The following FAM114A2 variants were observed in gnomAD, a reference collection of about 807,000 sequenced individuals.
The protein encoded by FAM114A2 is family with sequence similarity 114 member A2.
Under a neutral mutation model 58.4 loss-of-function variants are expected in FAM114A2, and 53 were observed. That is an observed-to-expected ratio of 0.91 (90% confidence interval 0.73 to 1.14). FAM114A2 has a LOEUF of 1.14. FAM114A2 is among the 50% of genes most tolerant of loss of function. The pLI is 0.00. For synonymous variants in FAM114A2, 228 were observed against 211.4 expected, an observed-to-expected ratio of 1.08 and a Z score of -0.68; for missense variants, 601 against 581.1, an observed-to-expected ratio of 1.03 and a Z score of -0.35.
chr5:154,028,763 T>C (rs1771973996), intron 5 of FAM114A2, among the ~76,000 whole-genome samples: 1 of 152,220 alleles, frequency 6.6e-6, no homozygotes, highest in South Asian at 2.1e-4. Context: ...TTAGATACTA[T>C]ATATGATTCC....
intron 8 of FAM114A2, among the ~76,000 whole-genome samples, chr5:154,025,153 G>C (rs1561568411): frequency 6.6e-6 from 1 of 152,256 alleles, no homozygotes; most frequent in East Asian, 1.9e-4. Context: ...AATAATGTAA[G>C]TGCTTTTCCT....
Position 153,991,973 on chromosome 5 carries a change from A to G in FAM114A2, c.*1003T>C, listed in dbSNP as rs1239688800. 2 of 152,336 alleles carry G rather than the reference A, an allele frequency of 1.3e-5. No homozygotes were observed. Among genetic ancestry groups the G allele is most frequent in the East Asian group, 3.9e-4 (2 of 5,190 alleles). The allele number at this position is 152,336 out of a possible 1,614,324, so 9.4% of individuals were successfully genotyped here. ...GCTTAAGATCTGGAGGATAAAAGTT[A>G]TATCAAAAACATGCTAAAGAATACA... On this transcript the variant is annotated 3_prime_UTR_variant, in exon 14 of 14. Transcript: ENST00000351797.
chr5:153,993,683 C>A (rs1456738284), intron 13 of FAM114A2, among the ~76,000 whole-genome samples: 1 of 152,070 alleles, frequency 6.6e-6, no homozygotes, highest in East Asian at 1.9e-4. Context: ...TGCTGGACTT[C>A]ATTTATACTG....
At chr5:154,004,183 T>C (rs1431152885) in intron 9 of FAM114A2, among the ~76,000 whole-genome samples, 1 of 152,244 alleles carries the variant, frequency 6.6e-6, no homozygotes, top group Non-Finnish European at 1.5e-5. Flanking sequence ...CATGATTGTA[T>C]ATATCACAAT....
chr5:154,014,648 C>G lies in FAM114A2; in HGVS notation c.914-3328G>C, dbSNP rs75645278. Among the ~76,000 whole-genome samples the G allele has an allele frequency of 6.0e-4, 91 of 152,302 alleles. 1 individual carries two copies. In the East Asian group the frequency reaches 0.017, roughly 29 times the overall value. ...GGTAGAGGAAGCAGTAGGAAAACCC[C>G]TGTGGGCTCGCTGGGTCCCCTAGCA... On this transcript the variant is annotated intron_variant, in intron 8 of 13. Coordinates refer to ENST00000351797, the MANE Select transcript of FAM114A2 (RefSeq NM_018691.4).
At chr5:154,024,052 A>G in intron 8 of FAM114A2, among the ~76,000 whole-genome samples, 1 of 152,176 alleles carries the variant, frequency 6.6e-6, no homozygotes. Flanking sequence ...TAGAAAACCA[A>G]ATAAGATTCA....
chr5:154,031,343 A>G (rs1036794944), intron 4 of FAM114A2, among the ~76,000 whole-genome samples: 3 of 132,862 alleles, frequency 2.3e-5, no homozygotes, highest in East Asian at 2.3e-4. Context: ...TAAAGCATCA[A>G]TTTAAGTTGC....
intron 8 of FAM114A2, among the ~76,000 whole-genome samples, chr5:154,018,779 C>A (rs1269108129): frequency 1.3e-5 from 2 of 152,072 alleles, no homozygotes; most frequent in African/African-American, 2.4e-5. Context: ...ATGTGATATA[C>A]CACATAAGCA....
At chr5:154,034,221 C>T in intron 3 of FAM114A2, 57 bp downstream of exon 3, 1 of 1,045,624 alleles carries the variant, frequency 9.6e-7, no homozygotes, top group South Asian at 1.5e-5. Flanking sequence ...ATATGCAATG[C>T]AGATCTGTAT....
chr5:154,030,321 C>G (rs1772095778), intron 4 of FAM114A2, among the ~76,000 whole-genome samples: 1 of 152,098 alleles, frequency 6.6e-6, no homozygotes, highest in South Asian at 2.1e-4. Context: ...CATAGGAGAA[C>G]AACCATTATA....
intron 8 of FAM114A2, among the ~76,000 whole-genome samples, chr5:154,013,260 TG>T (rs1770817117): frequency 6.6e-6 from 1 of 152,174 alleles, no homozygotes; most frequent in African/African-American, 2.4e-5. Context: ...GGAGAGGGGC[TG>T]GAAGACTCCT....
intron 11 of FAM114A2, 139 bp downstream of exon 11, chr5:154,002,112 C>G: frequency 1.4e-6 from 1 of 699,214 alleles, no homozygotes; most frequent in Non-Finnish European, 2.4e-6. Context: ...AAAAAAACAA[C>G]CAAAATGAAC....
intron 1 of FAM114A2, among the ~76,000 whole-genome samples, 194 bp from the exon 2 acceptor site, chr5:154,035,161 A>G (rs369542386): frequency 1.3e-5 from 2 of 152,216 alleles, no homozygotes; most frequent in East Asian, 1.9e-4. Flanking sequence ...CAGGAAACTG[A>G]TATCAATGCA....
At position 154,034,265 on chromosome 5, in the gene FAM114A2, C is replaced by A. The variant is rs1356655449; in HGVS notation, c.310+13G>T. ...TACACACACAAAAATAACTAAATGACTGATGATCTTACCTACTGTAGCTAC... is the reference window on the plus strand; with the variant it reads ...TACACACACAAAAATAACTAAATGAATGATGATCTTACCTACTGTAGCTAC... On this transcript the variant is annotated intron_variant, in intron 3 of 13. Transcript: ENST00000351797. The A allele has an allele frequency of 1.6e-5, 23 of 1,479,094 alleles. No homozygotes were observed. The Admixed American group carries it at 3.7e-4, about 23-fold the overall frequency. 91.6% of individuals were successfully genotyped at this position (1,479,094 alleles called of 1,614,324 possible).
At position 153,991,076 on chromosome 5, in the gene FAM114A2, A is replaced by G. The variant is rs1769229053; in HGVS notation, c.*1900T>C. 1 of 152,056 alleles carries G rather than the reference A, an allele frequency of 6.6e-6. No individual in the cohort carries two copies. The highest frequency in any genetic ancestry group is 6.5e-5 in the Admixed American group (1 of 15,268). 9.4% of individuals were successfully genotyped at this position (152,056 alleles called of 1,614,324 possible). ...TTCACTAGTGGTCCCTAACTCCATT[A>G]AAATAAATAAATATATATGGGGGGG... On this transcript the variant is annotated 3_prime_UTR_variant, in exon 14 of 14. Transcript: ENST00000351797.
intron 8 of FAM114A2, among the ~76,000 whole-genome samples, chr5:154,020,151 G>A (rs928751507): frequency 6.6e-6 from 1 of 152,184 alleles, no homozygotes; most frequent in African/African-American, 2.4e-5. Flanking sequence ...AGAGCAGTGT[G>A]TAGAACACTG....
Position 154,038,887 on chromosome 5 carries a change from G to A in FAM114A2, c.-45C>T, listed in dbSNP as rs115384246. 2,385 of 152,610 alleles carry A rather than the reference G, an allele frequency of 0.016. 67 individuals are homozygous for A. The highest frequency in any genetic ancestry group is 0.054 in the African/African-American group (2,256 of 41,574). 9.5% of individuals were successfully genotyped at this position (152,610 alleles called of 1,614,324 possible). A position where few individuals can be genotyped will look rare whatever the true frequency, so the allele number is the denominator to read the frequency against. ...CGGCCGCCACCCTCAGCACAGCCAC[G>A]GCAGCCGACTCGGCGTTCCTACTGC... On this transcript the variant is annotated 5_prime_UTR_variant, in exon 1 of 14. Coordinates refer to ENST00000351797, the MANE Select transcript of FAM114A2 (RefSeq NM_018691.4).
chr5:153,993,573 C>T (rs1252127274), intron 13 of FAM114A2, among the ~76,000 whole-genome samples: 1 of 152,140 alleles, frequency 6.6e-6, no homozygotes, highest in East Asian at 1.9e-4. Context: ...CACACATAAA[C>T]ATCTTTCACA....
chr5:154,002,506 A>C, intron 10 of FAM114A2, 116 bp from the exon 11 acceptor site: 1 of 1,098,576 alleles, frequency 9.1e-7, no homozygotes, highest in Non-Finnish European at 1.3e-6. Flanking sequence ...CCTTCCAATA[A>C]AGAGTGTCTT....
Sources: allele counts gnomAD v4.1 joint callset (sites outside exome capture counted in the v4.1 genomes callset), GRCh38; gene constraint gnomAD v4.1.1; transcripts MANE v1.5; gene names NCBI Gene and HGNC (gene_info 2026-07-23, HGNC 2026-07-21).